SMARCAD1: variants seen among roughly 807,000 people sequenced by gnomAD.
SMARCAD1 encodes SWI/SNF-related matrix-associated actin-dependent regulator of chromatin subfamily A containing DEAD/H box 1.
In SMARCAD1, 25 loss-of-function variants were observed where a neutral mutation model predicts 127.1. The ratio of observed to expected loss-of-function variants is 0.20; its 90% CI spans 0.14 to 0.27. The LOEUF (loss-of-function observed/expected upper bound fraction) is 0.27, where lower values mean the gene tolerates loss of function less well. Among genes scored for constraint, SMARCAD1 ranks in the 10% least tolerant of loss-of-function variants. The pLI, the probability that SMARCAD1 is intolerant of heterozygous loss-of-function variation, is 1.00. For missense variants in SMARCAD1, 807 were observed against 1,206.0 expected (o/e 0.67, Z 4.90); for synonymous variants, 400 against 396.9 (o/e 1.01, Z -0.09).
intron 17 of SMARCAD1, 29 bp from the exon 18 acceptor site, chr4:94,278,587 A>AT: frequency 6.2e-7 from 1 of 1,612,270 alleles, no homozygotes; most frequent in South Asian, 1.1e-5. Flanking sequence ...TACTAGAATG[A>AT]TTATCTTAAA....
intron 9 of SMARCAD1, among the ~76,000 whole-genome samples, chr4:94,259,732 TC>T (rs1750671232): frequency 6.6e-6 from 1 of 152,196 alleles, no homozygotes; most frequent in African/African-American, 2.4e-5. Flanking sequence ...ATGTGTTTCT[TC>T]CATACTCTTG....
At position 94,248,369 on chromosome 4, in the gene SMARCAD1, T is replaced by G. The variant is rs923996382; in HGVS notation, c.706-1285T>G. On this transcript the variant is annotated intron_variant, in intron 6 of 23. Transcript: ENST00000354268. ...CAAATGAACAACTGAAGTTTAGTTT[T>G]CACTTATGTAGTGAAAAAGCAGTGG... 1.8e-5 allele frequency: 7 copies of G among 397,334 alleles called. No homozygotes were observed. The Admixed American group carries it at 1.9e-4, about 11-fold the overall frequency. The allele number at this position is 397,334 out of a possible 1,614,324, so 24.6% of individuals were successfully genotyped here.
In SMARCAD1 at chr4:94,278,951, T is replaced by C. The variant is rs1249557620; in HGVS notation, c.2319T>C (p.Asn773=). The part of the protein sequence containing the change: ...NNLEKNTEMC[N]VMMQLRKMAN... ...CAGAAAAAAACACAGAAATGTGCAA[T>C]GTCATGATGCAGTTGAGGAAAATGG... Residue 773 remains asparagine (N), a synonymous_variant, in exon 19 of 24, where the codon AAT becomes AAC. Transcript: ENST00000354268. The C allele has an allele frequency of 3.7e-6, 6 of 1,613,968 alleles. No individual in the cohort carries two copies. In the Admixed American group the frequency reaches 5.0e-5, roughly 13 times the overall value.
At chr4:94,222,910 G>T (rs531808816) in intron 2 of SMARCAD1, among the ~76,000 whole-genome samples, 117 of 152,240 alleles carry the variant, frequency 7.7e-4, no homozygotes, top group Non-Finnish European at 1.4e-3. Context: ...GTTGCAGGGA[G>T]CTGAGATTGT....
rs1272789435 is a variant in SMARCAD1, at chr4:94,274,784, C to T, written c.1719C>T (p.Val573=). 1 of 1,613,664 alleles carries T rather than the reference C, an allele frequency of 6.2e-7. No individual in the cohort carries two copies. Among genetic ancestry groups the T allele is most frequent in the Non-Finnish European group, 8.5e-7 (1 of 1,179,810 alleles). The change falls in exon 13 of 24, where the codon GTC becomes GTT. Residue 573 remains valine, a synonymous_variant. Coordinates refer to ENST00000354268, the MANE Select transcript of SMARCAD1 (RefSeq NM_020159.5). ...EVNLWCPTLK[V]LCYYGSQEER... ...ATTTATGGTGCCCTACTTTGAAGGT[C>T]CTCTGTTACTATGGTAAGAATATGT...
At position 94,240,973 on chromosome 4, in the gene SMARCAD1, T is replaced by A. The variant is rs775942312; in HGVS notation, c.672T>A (p.Asp224Glu). Residue 224 changes from aspartate (D) to glutamate (E), a missense_variant, in exon 6 of 24, where the codon GAT becomes GAA. Physicochemically the swap from Asp to Glu is conservative, Grantham distance 45. Around this residue, in one of 8 missense-constraint regions of SMARCAD1, gnomAD observed 257 missense variants for 303.4 expected, o/e 0.85. Coordinates refer to ENST00000354268, the MANE Select transcript of SMARCAD1 (RefSeq NM_020159.5). ...SEPYEEDEFN[D>E]DQSIKKTRLD... ...CATATGAGGAAGATGAATTTAATGATGATCAATCTATAAAAAAGACAAGAC... is the reference window on the plus strand; with the variant it reads ...CATATGAGGAAGATGAATTTAATGAAGATCAATCTATAAAAAAGACAAGAC... The A allele has an allele frequency of 1.1e-5, 18 of 1,613,002 alleles. No homozygotes were observed. The highest frequency in any genetic ancestry group is 1.4e-5 in the Non-Finnish European group (17 of 1,179,302).
intron 3 of SMARCAD1, among the ~76,000 whole-genome samples, chr4:94,232,154 C>T (rs1183888742): frequency 1.3e-5 from 2 of 152,296 alleles, no homozygotes; most frequent in East Asian, 3.9e-4. Context: ...TGAGCCACTG[C>T]ACCCGGCTGG....
intron 5 of SMARCAD1, 145 bp from the exon 6 acceptor site, chr4:94,240,761 G>T: frequency 1.5e-6 from 1 of 657,248 alleles, no homozygotes; most frequent in South Asian, 1.7e-5. Flanking sequence ...TTTCAATTCA[G>T]TCATATGTAG....
intron 9 of SMARCAD1, chr4:94,264,493 C>T (rs1475220421): frequency 2.3e-6 from 1 of 443,648 alleles, no homozygotes; most frequent in Non-Finnish European, 4.0e-6. Flanking sequence ...TTTACTTTAA[C>T]ATAATGAGTT....
At position 94,208,461 on chromosome 4, in the gene SMARCAD1, G is replaced by T. The variant is rs895263423; in HGVS notation, c.67G>T (p.Ala23Ser). 1 of 1,614,116 alleles carries T rather than the reference G, an allele frequency of 6.2e-7. No individual in the cohort carries two copies. Among genetic ancestry groups the T allele is most frequent in the African/African-American group, 1.3e-5 (1 of 75,018 alleles). ...KRNKIEEAPE[A>S]TPQPSQPGPS... is the part of the protein sequence containing the mutation. ...GAATAAGATTGAGGAAGCGCCCGAA[G>T]CAACCCCTCAACCTTCCCAGCCTGG... Residue 23 changes from alanine to serine, a missense_variant, in exon 2 of 24, where the codon GCA (alanine) becomes TCA (serine). Physicochemically the swap from Ala to Ser is moderately conservative, Grantham distance 99. Around this residue, in one of 8 missense-constraint regions of SMARCAD1, gnomAD observed 175 missense variants for 169.5 expected, o/e 1.03. Transcript: ENST00000354268.
chr4:94,229,055 T>C (rs575872958), intron 3 of SMARCAD1, among the ~76,000 whole-genome samples: 1 of 152,132 alleles, frequency 6.6e-6, no homozygotes, highest in African/African-American at 2.4e-5. Context: ...AGGAGACACA[T>C]GATATCCATT....
Position 94,290,539 on chromosome 4 carries a change from T to G in SMARCAD1, c.*1005T>G. ...AAATAGGTCATTAACTTGAAACTCT[T>G]ATCAAAATATATTTTACCAGTTTCC... On this transcript the variant is annotated 3_prime_UTR_variant, in exon 24 of 24. Transcript: ENST00000354268. The G allele has an allele frequency of 2.2e-6, 1 of 454,496 alleles. No homozygotes were observed. Among genetic ancestry groups the G allele is most frequent in the Non-Finnish European group, 4.4e-6 (1 of 226,746 alleles). The allele number at this position is 454,496 out of a possible 1,614,324, so 28.2% of individuals were successfully genotyped here.
intron 21 of SMARCAD1, among the ~76,000 whole-genome samples, chr4:94,282,100 G>GT (rs70946518): frequency 0.77 from 57,092 of 73,908 alleles, 24,039 homozygotes; most frequent in East Asian, 0.91. Context: ...ACGTTTTTTT[G>GT]TTTTTTTTTT....
chr4:94,241,434 C>T (rs188691211), intron 6 of SMARCAD1, among the ~76,000 whole-genome samples: 4 of 152,290 alleles, frequency 2.6e-5, no homozygotes, highest in Admixed American at 2.6e-4. Context: ...ATAAGGACAA[C>T]AGTCAGATTA....
At position 94,226,315 on chromosome 4, in the gene SMARCAD1, A is replaced by C. The variant is rs1245685950; in HGVS notation, c.368+19A>C. On this transcript the variant is annotated intron_variant, in intron 3 of 23. Coordinates refer to ENST00000354268, the MANE Select transcript of SMARCAD1 (RefSeq NM_020159.5). ...TTATAGTGTAAGCTGATTAATAGAT[A>C]TATTGTATTTGCATGTGTGTGAGAT... The C allele has an allele frequency of 6.3e-7, 1 of 1,593,366 alleles. No individual in the cohort carries two copies.
In SMARCAD1 at chr4:94,291,065, A is replaced by G. The variant is rs1449235624; in HGVS notation, c.*1531A>G. On this transcript the variant is annotated 3_prime_UTR_variant, in exon 24 of 24. Coordinates refer to ENST00000354268, the MANE Select transcript of SMARCAD1 (RefSeq NM_020159.5). ...TAATACTACCTCCTTGTACATCACT[A>G]TACCCAAATCAGTTATTCAAATTGT... 4 of 446,252 alleles carry G rather than the reference A, an allele frequency of 9.0e-6. No homozygotes were observed. The highest frequency in any genetic ancestry group is 1.8e-5 in the Non-Finnish European group (4 of 223,868). The allele number at this position is 446,252 out of a possible 1,614,324, so 27.6% of individuals were successfully genotyped here. A position where few individuals can be genotyped will look rare whatever the true frequency, so the allele number is the denominator to read the frequency against.
Position 94,226,273 on chromosome 4 carries a change from C to G in SMARCAD1, c.345C>G (p.Phe115Leu), listed in dbSNP as rs545488452. 4 of 1,612,190 alleles carry G rather than the reference C, an allele frequency of 2.5e-6. No homozygotes were observed. Among genetic ancestry groups the G allele is most frequent in the East Asian group, 4.5e-5 (2 of 44,726 alleles). Residue 115 changes from phenylalanine (F) to leucine (L), a missense_variant, in exon 3 of 24, where the codon TTC becomes TTG. By Grantham distance (22) the Phe-to-Leu change is conservative. Transcript: ENST00000354268. ...NCSNTVQEKTFNKDTVIIVSE... is the reference protein window; with the variant it reads ...NCSNTVQEKTLNKDTVIIVSE... ...CCAATACAGTTCAAGAGAAAACATT[C>G]AACAAAGATACAGTGATTATAGTGT...
At chr4:94,275,296 A>G (rs775143696) in intron 14 of SMARCAD1, among the ~76,000 whole-genome samples, 17 of 152,204 alleles carry the variant, frequency 1.1e-4, no homozygotes, top group Non-Finnish European at 2.1e-4. Context: ...TTAACTTACA[A>G]ATAAGTATCT....
chr4:94,208,688 C>T (rs903166361), intron 2 of SMARCAD1, 104 bp downstream of exon 2: 4 of 1,112,466 alleles, frequency 3.6e-6, no homozygotes, highest in Non-Finnish European at 5.3e-6. Context: ...TATATTGATG[C>T]ATTGTCCTGC....
Sources: allele counts gnomAD v4.1 joint callset (sites outside exome capture counted in the v4.1 genomes callset), GRCh38; gene constraint gnomAD v4.1.1; regional missense constraint gnomAD v4.1.1; transcripts MANE v1.5; gene names NCBI Gene and HGNC (gene_info 2026-07-23, HGNC 2026-07-21).